Variants in ANTXR2 observed in about 807,000 individuals in gnomAD.
The protein encoded by ANTXR2 is anthrax toxin receptor 2.
In ANTXR2, 44 loss-of-function variants were observed where a neutral mutation model predicts 73.7. The observed-to-expected ratio is 0.60, with a 90% CI of 0.47 to 0.77. ANTXR2 has a LOEUF of 0.77. ANTXR2 is among the 30% of genes least tolerant of loss of function. ANTXR2 has a pLI of 0.00. For synonymous variants in ANTXR2, 217 were observed against 205.9 expected (o/e 1.05, Z -0.46); for missense variants, 604 against 592.5 (o/e 1.02, Z -0.20).
intron 11 of ANTXR2, among the ~76,000 whole-genome samples, chr4:80,014,995 T>G (rs2110064225): frequency 6.6e-6 from 1 of 152,328 alleles, no homozygotes; most frequent in African/African-American, 2.4e-5. Context: ...TCTTTTCCTG[T>G]TTAATTTTGT....
intron 16 of ANTXR2, among the ~76,000 whole-genome samples, chr4:79,931,226 C>T (rs187558813): frequency 2.0e-5 from 3 of 152,082 alleles, no homozygotes; most frequent in African/African-American, 7.2e-5. Context: ...GTTGTACTTC[C>T]TTATTTAAAT....
At chr4:80,061,284 CTGTG>C (rs60730236) in intron 3 of ANTXR2, among the ~76,000 whole-genome samples, 10 of 149,074 alleles carry the variant, frequency 6.7e-5, no homozygotes, top group African/African-American at 2.0e-4. Context: ...GTGTGTGCCT[CTGTG>C]TGTGTGTGTG....
intron 16 of ANTXR2, among the ~76,000 whole-genome samples, chr4:79,975,660 C>A (rs1375920655): frequency 6.6e-6 from 1 of 152,024 alleles, no homozygotes; most frequent in African/African-American, 2.4e-5. Flanking sequence ...TGCATGAAAA[C>A]AATTTTAAAA....
chr4:79,932,265 T>C (rs1362216020), intron 16 of ANTXR2, among the ~76,000 whole-genome samples: 1 of 152,142 alleles, frequency 6.6e-6, no homozygotes, highest in East Asian at 1.9e-4. Context: ...TGTATACTGT[T>C]GATATGTTAT....
At chr4:79,961,903 C>G (rs961177893) in intron 16 of ANTXR2, among the ~76,000 whole-genome samples, 9 of 152,006 alleles carry the variant, frequency 5.9e-5, no homozygotes, top group African/African-American at 1.9e-4. Context: ...TTTATCTAAA[C>G]TTGGAAATTA....
At chr4:80,002,678 A>T (rs1010588694) in intron 12 of ANTXR2, among the ~76,000 whole-genome samples, 1 of 152,080 alleles carries the variant, frequency 6.6e-6, no homozygotes, top group Non-Finnish European at 1.5e-5. Context: ...AAGGGCTCAT[A>T]TCCAGAATCT....
chr4:80,050,125 A>G (rs1378181179), intron 7 of ANTXR2, among the ~76,000 whole-genome samples: 1 of 151,762 alleles, frequency 6.6e-6, no homozygotes, highest in East Asian at 1.9e-4. Context: ...CTGAATTTCT[A>G]ATTAGTACTA....
At chr4:80,036,626 C>A (rs1206531642) in intron 7 of ANTXR2, among the ~76,000 whole-genome samples, 3 of 151,912 alleles carry the variant, frequency 2.0e-5, no homozygotes, top group African/African-American at 7.3e-5. Flanking sequence ...CATAGTGAAT[C>A]CTGTCTCTAC....
In ANTXR2 at chr4:79,978,032, T is replaced by C. The variant is rs1729714150; in HGVS notation, c.1322A>G (p.Gln441Arg). ...PRPKPTHQPPQTKWYTPIKGR... is the reference protein window; with the variant it reads ...PRPKPTHQPPRTKWYTPIKGR... ...CTTAATTGGGGTGTACCATTTTGTC[T>C]GAGGAGGCTGGTGTGTGGGTTTGGG... The change falls in exon 15 of 17, where the codon CAG becomes CGG. Residue 441 changes from glutamine to arginine, a missense_variant. Coordinates refer to ENST00000403729, the MANE Select transcript of ANTXR2 (RefSeq NM_058172.6). 1 of 1,603,348 alleles carries C rather than the reference T, an allele frequency of 6.2e-7. No individual in the cohort carries two copies. The highest frequency in any genetic ancestry group is 8.5e-7 in the Non-Finnish European group (1 of 1,176,646).
chr4:79,915,862 C>CTATA lies in ANTXR2; in HGVS notation c.1429-8399_1429-8396dup, dbSNP rs1553925226. 9.3e-3 allele frequency among the ~76,000 whole-genome samples: 1,153 copies of CTATA among 123,830 alleles called. 10 individuals carry two copies. Among genetic ancestry groups the CTATA allele is most frequent in the South Asian group, 0.011 (40 of 3,650 alleles). 81.2% of individuals were successfully genotyped at this position (123,830 alleles called of 152,430 possible). A position where few individuals can be genotyped will look rare whatever the true frequency, so the allele number is the denominator to read the frequency against. ...TCTCTCTCTCTCTCTCTCTCTCTCT[C>CTATA]TATATATATATATATACATAAAGAA... On this transcript the variant is annotated intron_variant, in intron 16 of 16. Transcript: ENST00000403729.
chr4:80,072,384 C>G (rs748611273), intron 1 of ANTXR2, 25 bp downstream of exon 1: 1 of 1,573,004 alleles, frequency 6.4e-7, no homozygotes, highest in African/African-American at 1.4e-5. Context: ...CACCAGGAGA[C>G]CCTGGACCTC....
chr4:80,065,378 C>A (rs1278582705), intron 3 of ANTXR2, among the ~76,000 whole-genome samples: 1 of 152,072 alleles, frequency 6.6e-6, no homozygotes, highest in Non-Finnish European at 1.5e-5. Context: ...CATGTGTATA[C>A]CTCTACTCAC....
intron 11 of ANTXR2, among the ~76,000 whole-genome samples, chr4:80,016,976 T>G (rs966416261): frequency 2.0e-5 from 3 of 152,246 alleles, no homozygotes; most frequent in Non-Finnish European, 4.4e-5. Flanking sequence ...GCCACAGAAT[T>G]GGGCTTGATG....
rs1187495006 is a variant in ANTXR2, at chr4:80,040,467, T to A, written c.637-4435A>T. Among the ~76,000 whole-genome samples the A allele has an allele frequency of 2.0e-5, 3 of 152,192 alleles. No homozygotes were observed. The East Asian group carries it at 5.8e-4, about 29-fold the overall frequency. The stretch of plus-strand genomic sequence containing the variant: ...ATCCACAATAAATGGCAAATTATCT[T>A]TAATACTTTGCAACTCCATCATTGG... On this transcript the variant is annotated intron_variant, in intron 7 of 16. Transcript: ENST00000403729.
intron 14 of ANTXR2, among the ~76,000 whole-genome samples, chr4:79,979,968 A>G (rs1435608258): frequency 6.6e-6 from 1 of 152,190 alleles, no homozygotes; most frequent in African/African-American, 2.4e-5. Flanking sequence ...AGGCTTTAGA[A>G]TAGACAGCTC....
intron 16 of ANTXR2, among the ~76,000 whole-genome samples, chr4:79,933,465 AC>A (rs1728134669): frequency 6.6e-6 from 1 of 152,170 alleles, no homozygotes; most frequent in African/African-American, 2.4e-5. Flanking sequence ...ATCTGAAGTT[AC>A]CTTTTATCCA....
At chr4:79,947,601 G>A (rs949753379) in intron 16 of ANTXR2, among the ~76,000 whole-genome samples, 4 of 152,094 alleles carry the variant, frequency 2.6e-5, no homozygotes, top group Non-Finnish European at 5.9e-5. Context: ...AATCTTTAGT[G>A]TCTTCTCCTG....
intron 10 of ANTXR2, among the ~76,000 whole-genome samples, chr4:80,030,746 G>A (rs1351595583): frequency 1.3e-5 from 2 of 151,980 alleles, no homozygotes; most frequent in African/African-American, 4.8e-5. Context: ...TTTCATAGAG[G>A]AAAATATCAT....
intron 16 of ANTXR2, among the ~76,000 whole-genome samples, chr4:79,918,289 A>T (rs909069354): frequency 6.6e-6 from 1 of 152,134 alleles, no homozygotes; most frequent in South Asian, 2.1e-4. Context: ...CTAAAAAACT[A>T]CTTGAAAAAT....
Sources: allele counts gnomAD v4.1 joint callset (sites outside exome capture counted in the v4.1 genomes callset), GRCh38; gene constraint gnomAD v4.1.1; transcripts MANE v1.5; gene names NCBI Gene and HGNC (gene_info 2026-07-23, HGNC 2026-07-21).